Variants in MORC4 observed in about 807,000 individuals in gnomAD.
MORC4 encodes the protein MORC family CW-type zinc finger 4, also known as MORC family CW-type zinc finger protein 4.
MORC4 carries 22 observed loss-of-function variants against 65.5 expected under a neutral mutation model. That is an observed-to-expected ratio of 0.34 (90% CI 0.24 to 0.48). MORC4 has a LOEUF of 0.48. Among genes scored for constraint, MORC4 ranks in the 20% least tolerant of loss-of-function variants. The pLI, the probability that MORC4 is intolerant of heterozygous loss-of-function variation, is 0.99. For missense variants in MORC4, 624 were observed against 703.0 expected (o/e 0.89, Z 1.27); for synonymous variants, 267 against 255.8 (o/e 1.04, Z -0.42).
intron 14 of MORC4, among the ~76,000 whole-genome samples, chrX:106,948,518 T>G (rs1933902687): frequency 8.9e-6 from 1 of 111,952 alleles, no homozygotes. Context: ...CACAGTTACT[T>G]TTATAAGCAC....
At chrX:106,963,476 G>A (rs1408362443) in intron 9 of MORC4, among the ~76,000 whole-genome samples, 2 of 111,984 alleles carry the variant, frequency 1.8e-5, no homozygotes, top group Non-Finnish European at 3.8e-5. Context: ...GCAACTTGTA[G>A]GAGCCAGTGT....
chrX:106,946,622 T>C (rs1933835530), intron 14 of MORC4, among the ~76,000 whole-genome samples: 1 of 112,381 alleles, frequency 8.9e-6, no homozygotes, highest in African/African-American at 3.2e-5. Context: ...ATAGATACGT[T>C]TTCCGTTTTC....
chrX:106,989,831 C>T (rs1934943798), intron 3 of MORC4, among the ~76,000 whole-genome samples: 1 of 98,913 alleles, frequency 1.0e-5, no homozygotes, highest in Non-Finnish European at 2.0e-5. Context: ...CACACCATTG[C>T]ACTCCAGCCT....
At chrX:106,967,272 C>T (rs750905540) in intron 9 of MORC4, among the ~76,000 whole-genome samples, 1 of 112,005 alleles carries the variant, frequency 8.9e-6, no homozygotes, top group East Asian at 2.8e-4. Flanking sequence ...TCAACATCAA[C>T]AAAAAGGACA....
At position 106,958,410 on chromosome X, in the gene MORC4, C is replaced by G; in HGVS notation, c.1311G>C (p.Lys437Asn). 1 of 1,206,022 alleles carries G rather than the reference C, an allele frequency of 8.3e-7. No homozygotes were observed. Among genetic ancestry groups the G allele is most frequent in the African/African-American group, 1.7e-5 (1 of 57,685 alleles). Reference sequence around the variant, plus strand: ...TGGATGGATCAATCTTCCCAGGAAGCTTTCTCCATTTAAGACACTCATCAC... The same window carrying G: ...TGGATGGATCAATCTTCCCAGGAAGGTTTCTCCATTTAAGACACTCATCAC... ...VQCDECLKWR[K>N]LPGKIDPSML... Residue 437 changes from lysine (K) to asparagine (N), a missense_variant, in exon 11 of 17, where the codon AAG (lysine) becomes AAC (asparagine). Physicochemically the swap from Lys to Asn is moderately conservative, Grantham distance 94. Transcript: ENST00000355610.
chrX:106,943,273 GC>G, intron 14 of MORC4, 68 bp from the exon 15 acceptor site: 2 of 882,910 alleles, frequency 2.3e-6, no homozygotes, highest in Non-Finnish European at 3.2e-6. Flanking sequence ...ATCCTATGGA[GC>G]CCCAACTCAA....
intron 7 of MORC4, among the ~76,000 whole-genome samples, 163 bp from the exon 8 acceptor site, chrX:106,978,362 A>C (rs1280238478): frequency 6.3e-5 from 7 of 111,235 alleles, no homozygotes; most frequent in Non-Finnish European, 1.3e-4. Flanking sequence ...AATATTCTTA[A>C]TATTTGACCA....
rs766876217 is a variant in MORC4, at chrX:106,955,094, A to G, written c.1510-6T>C. On this transcript the variant is annotated splice_polypyrimidine_tract_variant and splice_region_variant and intron_variant, in intron 13 of 16. Transcript: ENST00000355610. ...TTTGGTGGATTACTGAATACCTATA[A>G]AAGACAGAAATGATTTGTAAAAGTC... The G allele has an allele frequency of 8.6e-7, 1 of 1,163,307 alleles. No homozygotes were observed. The highest frequency in any genetic ancestry group is 1.9e-5 in the South Asian group (1 of 52,386).
intron 5 of MORC4, among the ~76,000 whole-genome samples, chrX:106,983,242 A>C (rs1271230532): frequency 8.9e-6 from 1 of 112,321 alleles, no homozygotes; most frequent in East Asian, 2.8e-4. Context: ...TCTGTTTAAG[A>C]TATGTAAATC....
At chrX:106,971,199 C>A (rs914975286) in intron 9 of MORC4, among the ~76,000 whole-genome samples, 8 of 111,597 alleles carry the variant, frequency 7.2e-5, no homozygotes, top group African/African-American at 2.6e-4. Context: ...AAACCTGACA[C>A]ACACAAGCAA....
chrX:106,942,481 T>C, intron 15 of MORC4, 34 bp downstream of exon 15: 38 of 1,135,960 alleles, frequency 3.3e-5, no homozygotes, highest in Middle Eastern at 2.4e-4. Context: ...GTTACTATGG[T>C]CTCTTATTCC....
chrX:106,993,552 TG>T (rs1194782125), intron 2 of MORC4, among the ~76,000 whole-genome samples, 190 bp from the exon 3 acceptor site: 1 of 112,304 alleles, frequency 8.9e-6, no homozygotes, highest in African/African-American at 3.2e-5. Flanking sequence ...GATGCCAGAT[TG>T]AGTTCTAAAG....
rs770663160 is a variant in MORC4, at chrX:106,999,515, A to G, written c.175+162T>C. On this transcript the variant is annotated intron_variant, in intron 2 of 16. Coordinates refer to ENST00000355610, the MANE Select transcript of MORC4 (RefSeq NM_024657.5). ...AGCGGAACCTAGTTCCTGGCGAGAG[A>G]GCCATCCCCCTCCTCCGCCTGCGGA... 9.0e-5 allele frequency among the ~76,000 whole-genome samples: 10 copies of G among 111,592 alleles called. No homozygotes were observed. In the Admixed American group the frequency reaches 9.3e-4, roughly 10 times the overall value.
chrX:106,974,602 C>T (rs1282986883), intron 9 of MORC4, among the ~76,000 whole-genome samples: 6 of 111,804 alleles, frequency 5.4e-5, no homozygotes, highest in Non-Finnish European at 1.1e-4. Flanking sequence ...TTTTATTGCT[C>T]GCCAAATTAC....
At chrX:106,962,410 G>C (rs1003295645) in intron 9 of MORC4, among the ~76,000 whole-genome samples, 5 of 111,987 alleles carry the variant, frequency 4.5e-5, no homozygotes, top group Non-Finnish European at 9.4e-5. Flanking sequence ...TGGGTAACTT[G>C]ACATTAGAGA....
intron 2 of MORC4, among the ~76,000 whole-genome samples, chrX:106,995,207 AGTAAC>A (rs1935055014): frequency 9.2e-6 from 1 of 108,426 alleles, no homozygotes; most frequent in South Asian, 4.1e-4. Context: ...AGCTTATTGC[AGTAAC>A]CTCCTAACTA....
intron 9 of MORC4, among the ~76,000 whole-genome samples, chrX:106,967,501 G>A (rs1934403579): frequency 9.0e-6 from 1 of 111,688 alleles, no homozygotes; most frequent in Non-Finnish European, 1.9e-5. Flanking sequence ...TCAGAAGGTG[G>A]GTAATAACAA....
At chrX:106,967,953 G>A (rs1475235213) in intron 9 of MORC4, among the ~76,000 whole-genome samples, 1 of 111,378 alleles carries the variant, frequency 9.0e-6, no homozygotes, top group East Asian at 2.8e-4. Context: ...TCAAATTCAG[G>A]AAATACAGAG....
chrX:106,959,124 A>G (rs1360335884), intron 10 of MORC4, among the ~76,000 whole-genome samples: 1 of 112,403 alleles, frequency 8.9e-6, no homozygotes, highest in South Asian at 3.7e-4. Context: ...ATTAAATTTC[A>G]TAACTAGAAA....
Sources: allele counts gnomAD v4.1 joint callset (sites outside exome capture counted in the v4.1 genomes callset), GRCh38; gene constraint gnomAD v4.1.1; transcripts MANE v1.5; gene names NCBI Gene and HGNC (gene_info 2026-07-23, HGNC 2026-07-21).